The following ADGRL2 variants were observed in gnomAD, a reference collection of about 807,000 sequenced individuals.
The protein encoded by ADGRL2 is adhesion G protein-coupled receptor L2, also known as calcium-independent alpha-latrotoxin receptor 2.
Under a neutral mutation model 157.4 loss-of-function variants are expected in ADGRL2, and 44 were observed. The observed-to-expected ratio is 0.28, with a 90% confidence interval of 0.22 to 0.36. The LOEUF is 0.36. Ranked by LOEUF, ADGRL2 falls within the 10% of genes least tolerant of loss-of-function variation. The pLI, the probability that ADGRL2 is intolerant of heterozygous loss-of-function variation, is 1.00. For missense variants in ADGRL2, 1,510 were observed against 1,768.9 expected, an observed-to-expected ratio of 0.85 and a Z score of 2.63; for synonymous variants, 585 against 624.7, an observed-to-expected ratio of 0.94 and a Z score of 0.95.
chr1:81,606,843 A>G (rs1237859044), intron 3 of ADGRL2, among the ~76,000 whole-genome samples: 3 of 152,124 alleles, frequency 2.0e-5, no homozygotes, highest in South Asian at 2.1e-4. Flanking sequence ...TGGCTTTCAT[A>G]TAAGTACTTG....
intron 1 of ADGRL2, among the ~76,000 whole-genome samples, chr1:81,713,627 G>T (rs1353019904): frequency 6.6e-6 from 1 of 152,162 alleles, no homozygotes; most frequent in Non-Finnish European, 1.5e-5. Flanking sequence ...GTCCCCATTT[G>T]TGTATGTACC....
At chr1:81,904,009 C>T (rs2094540650) in intron 2 of ADGRL2, among the ~76,000 whole-genome samples, 1 of 151,430 alleles carries the variant, frequency 6.6e-6, no homozygotes, top group South Asian at 2.1e-4. Context: ...AAGTAGTTTG[C>T]CTTGTTTTTA....
chr1:81,984,379 C>T lies in ADGRL2; in HGVS notation c.3283-204C>T, dbSNP rs3790875. On this transcript the variant is annotated intron_variant, in intron 19 of 23. Transcript: ENST00000686636. ...ATCACATTTTAAAGACTCTACTAGC[C>T]AGTCTAGTGGACAGAGATACTTTTC... 5.5e-4 allele frequency: 244 copies of T among 444,134 alleles called. 1 individual carries two copies. The East Asian group carries it at 8.0e-3, about 15-fold the overall frequency. 27.5% of individuals were successfully genotyped at this position (444,134 alleles called of 1,614,324 possible). A position where few individuals can be genotyped will look rare whatever the true frequency, so the allele number is the denominator to read the frequency against.
chr1:81,456,946 T>A (rs74094007), intron 2 of ADGRL2, among the ~76,000 whole-genome samples: 2 of 152,102 alleles, frequency 1.3e-5, no homozygotes, highest in African/African-American at 2.4e-5. Flanking sequence ...TCTCCCTTCC[T>A]CTCTTCTTCT....
intron 3 of ADGRL2, among the ~76,000 whole-genome samples, chr1:81,920,762 C>T (rs1403514607): frequency 1.3e-5 from 2 of 151,874 alleles, no homozygotes; most frequent in African/African-American, 4.8e-5. Flanking sequence ...TCTGAGAGAT[C>T]TCTGCCTCAA....
At position 81,471,040 on chromosome 1, in the gene ADGRL2, A is replaced by C. The variant is rs114979528; in HGVS notation, c.-248+25951A>C. 7.6e-3 allele frequency among the ~76,000 whole-genome samples: 1,153 copies of C among 152,278 alleles called. 15 individuals carry two copies. Among genetic ancestry groups the C allele is most frequent in the South Asian group, 0.027 (131 of 4,828 alleles). On this transcript the variant is annotated intron_variant, in intron 2 of 24. Coordinates refer to the ADGRL2 transcript ENST00000370721. ...GTCTGTTTCCTCACTGGTAACAGCA[A>C]GGTGTAAATAATATTTTATTTCAAG... is the stretch of plus-strand genomic sequence containing the variant.
intron 2 of ADGRL2, among the ~76,000 whole-genome samples, chr1:81,789,592 G>C (rs2087228038): frequency 1.3e-5 from 2 of 151,444 alleles, no homozygotes; most frequent in South Asian, 2.1e-4. Flanking sequence ...TGTGTGTGGT[G>C]GTGGGCGCCT....
chr1:81,436,815 A>G (rs1449002032), intron 1 of ADGRL2, among the ~76,000 whole-genome samples: 1 of 152,252 alleles, frequency 6.6e-6, no homozygotes, highest in Non-Finnish European at 1.5e-5. Context: ...GGATCCAATT[A>G]TATAGGGCTT....
At chr1:81,900,842 G>GTC (rs1296684515) in intron 2 of ADGRL2, among the ~76,000 whole-genome samples, 1 of 151,870 alleles carries the variant, frequency 6.6e-6, no homozygotes, top group African/African-American at 2.4e-5. Flanking sequence ...TTTGTGCAAA[G>GTC]TCTCTGCCCA....
chr1:81,583,388 T>C (rs2148552140), intron 3 of ADGRL2, among the ~76,000 whole-genome samples: 1 of 152,008 alleles, frequency 6.6e-6, no homozygotes, highest in Middle Eastern at 3.4e-3. Context: ...GTACAATGAA[T>C]AAAAGTTGTT....
intron 17 of ADGRL2, among the ~76,000 whole-genome samples, chr1:81,977,567 A>G (rs1429334314): frequency 2.0e-5 from 3 of 151,386 alleles, no homozygotes; most frequent in Non-Finnish European, 4.4e-5. Context: ...AGATTTTATC[A>G]TTTTCTACTC....
At chr1:81,458,018 G>A (rs1488756685) in intron 2 of ADGRL2, among the ~76,000 whole-genome samples, 5 of 152,134 alleles carry the variant, frequency 3.3e-5, no homozygotes, top group Admixed American at 2.6e-4. Flanking sequence ...GCTTTCACTT[G>A]TATTGAATTC....
chr1:81,927,697 A>T (rs760247507), intron 3 of ADGRL2, among the ~76,000 whole-genome samples: 3 of 152,040 alleles, frequency 2.0e-5, no homozygotes, highest in Non-Finnish European at 4.4e-5. Flanking sequence ...TACACAAATT[A>T]TTAAATAAAT....
intron 2 of ADGRL2, among the ~76,000 whole-genome samples, chr1:81,450,354 C>A (rs977137715): frequency 2.0e-5 from 3 of 152,094 alleles, no homozygotes; most frequent in African/African-American, 4.8e-5. Flanking sequence ...TTATTGTGTA[C>A]CTGCCATCCT....
At chr1:81,581,668 A>G (rs1230569734) in intron 3 of ADGRL2, among the ~76,000 whole-genome samples, 1 of 152,132 alleles carries the variant, frequency 6.6e-6, no homozygotes, top group African/African-American at 2.4e-5. Context: ...CAATCTTAAA[A>G]TCTCTAATAT....
rs749616854 is a variant in ADGRL2, at chr1:81,979,913, G to A, written c.3066G>A (p.Lys1022=). 7 of 1,608,568 alleles carry A rather than the reference G, an allele frequency of 4.4e-6. No homozygotes were observed. In the Admixed American group the frequency reaches 1.2e-4, roughly 27 times the overall value. ...TGATCACATTGTGCAAAATGGTGAA[G>A]CATTCAAACACTTTGAAACCAGATT... ...FLVITLCKMV[K]HSNTLKPDSS... is the part of the protein sequence containing the mutation. The change falls in exon 18 of 24, where the codon AAG becomes AAA. Residue 1022 remains lysine, a synonymous_variant. Transcript: ENST00000686636.
chr1:81,839,853 A>C (rs2092470545), intron 2 of ADGRL2, among the ~76,000 whole-genome samples: 1 of 2,954 alleles, frequency 3.4e-4, no homozygotes, highest in Non-Finnish European at 5.4e-4. Context: ...TTTCCATCAT[A>C]TATATATATA....
intron 2 of ADGRL2, among the ~76,000 whole-genome samples, chr1:81,497,420 A>G (rs2078754047): frequency 6.6e-6 from 1 of 152,092 alleles, no homozygotes; most frequent in Admixed American, 6.6e-5. Context: ...AATATGGACT[A>G]TAATTATTTT....
chr1:81,537,565 T>A (rs2079773296), intron 2 of ADGRL2, among the ~76,000 whole-genome samples: 1 of 152,264 alleles, frequency 6.6e-6, no homozygotes, highest in South Asian at 2.1e-4. Flanking sequence ...GAATTACAGA[T>A]GTGAGCCACC....
Sources: allele counts gnomAD v4.1 joint callset (sites outside exome capture counted in the v4.1 genomes callset), GRCh38; gene constraint gnomAD v4.1.1; transcripts MANE v1.5; gene names NCBI Gene and HGNC (gene_info 2026-07-23, HGNC 2026-07-21).